The following NECAB1 variants were observed in gnomAD, a reference collection of about 807,000 sequenced individuals.
The protein encoded by NECAB1 is N-terminal EF-hand calcium binding protein 1, also known as N-terminal EF-hand calcium-binding protein 1.
In NECAB1, 29 loss-of-function variants were observed where a neutral mutation model predicts 57.5. That is an observed-to-expected ratio of 0.50 (90% CI 0.38 to 0.69). NECAB1 has a LOEUF of 0.69. NECAB1 is among the 30% of genes least tolerant of loss of function. NECAB1 has a pLI of 0.00. For missense variants in NECAB1, 372 were observed against 413.8 expected (o/e 0.90, Z 0.88); for synonymous variants, 142 against 147.7 (o/e 0.96, Z 0.28).
intron 4 of NECAB1, 60 bp downstream of exon 4, chr8:90,872,213 T>A (rs1364746059): frequency 7.7e-7 from 1 of 1,306,950 alleles, no homozygotes; most frequent in African/African-American, 1.5e-5. Flanking sequence ...AAAAGAGTAT[T>A]GTCTGATATA....
intron 8 of NECAB1, among the ~76,000 whole-genome samples, chr8:90,928,501 A>G (rs1810331026): frequency 6.6e-6 from 1 of 151,964 alleles, no homozygotes; most frequent in South Asian, 2.1e-4. Flanking sequence ...TTCTCCCCCT[A>G]CCTCCCACTC....
intron 2 of NECAB1, among the ~76,000 whole-genome samples, chr8:90,816,073 G>T (rs1812056874): frequency 6.6e-6 from 1 of 151,694 alleles, no homozygotes; most frequent in South Asian, 2.1e-4. Flanking sequence ...TTCAGGTTTT[G>T]TATCTCATTA....
chr8:90,948,835 TC>T (rs1026893236), intron 10 of NECAB1, among the ~76,000 whole-genome samples: 1 of 152,162 alleles, frequency 6.6e-6, no homozygotes, highest in Non-Finnish European at 1.5e-5. Context: ...CACTGTGCCA[TC>T]GGAAGGATCT....
At chr8:90,818,499 T>C (rs1216476530) in intron 2 of NECAB1, among the ~76,000 whole-genome samples, 2 of 152,032 alleles carry the variant, frequency 1.3e-5, no homozygotes, top group African/African-American at 2.4e-5. Flanking sequence ...TTGAAGAGAT[T>C]ATCTAGATTG....
chr8:90,896,973 G>T (rs1255602961), intron 5 of NECAB1, among the ~76,000 whole-genome samples: 1 of 152,130 alleles, frequency 6.6e-6, no homozygotes, highest in African/African-American at 2.4e-5. Context: ...CAGGGGTGAC[G>T]TGCGTCAGGG....
At chr8:90,801,008 A>AT (rs1811748614) in intron 1 of NECAB1, among the ~76,000 whole-genome samples, 1 of 152,202 alleles carries the variant, frequency 6.6e-6, no homozygotes, top group Admixed American at 6.5e-5. Context: ...AGATAATATG[A>AT]TTAATAAAGT....
At position 90,850,612 on chromosome 8, in the gene NECAB1, C is replaced by A. The variant is rs10093965; in HGVS notation, c.234-21516C>A. Among the ~76,000 whole-genome samples, 8 of 152,256 alleles carry A rather than the reference C, an allele frequency of 5.3e-5. No individual in the cohort carries two copies. The South Asian group carries it at 1.7e-3, about 32-fold the overall frequency. ...AACACCATGCAAATCAGAATGTATG[C>A]GCTATTGGACAGCTGAGAGGAAAGA... On this transcript the variant is annotated intron_variant, in intron 3 of 12. Transcript: ENST00000417640.
intron 3 of NECAB1, among the ~76,000 whole-genome samples, chr8:90,848,075 A>G (rs369749663): frequency 3.7e-4 from 56 of 152,230 alleles, no homozygotes; most frequent in African/African-American, 1.3e-3. Flanking sequence ...AAATTTTCCA[A>G]ACTTTTATGG....
chr8:90,807,615 A>G lies in NECAB1; in HGVS notation c.124+5900A>G, dbSNP rs1029827369. ...CTAATCAGGGCTCCTAGCTCCAGGT[A>G]AAATGTAAAGATTAAGGGCCGGGCC... On this transcript the variant is annotated intron_variant, in intron 2 of 12. Coordinates refer to ENST00000417640, the MANE Select transcript of NECAB1 (RefSeq NM_022351.5). Among the ~76,000 whole-genome samples the G allele has an allele frequency of 1.4e-4, 22 of 152,318 alleles. No homozygotes were observed. The East Asian group carries it at 4.1e-3, about 28-fold the overall frequency.
chr8:90,795,738 A>ACACG (rs1811650467), intron 1 of NECAB1, among the ~76,000 whole-genome samples: 1 of 149,072 alleles, frequency 6.7e-6, no homozygotes, highest in Admixed American at 6.6e-5. Context: ...ACACACACAC[A>ACACG]CACTTGCTCA....
At chr8:90,934,784 GA>G (rs1419884751) in intron 9 of NECAB1, among the ~76,000 whole-genome samples, 1 of 152,026 alleles carries the variant, frequency 6.6e-6, no homozygotes, top group Non-Finnish European at 1.5e-5. Flanking sequence ...AAAATGCTCA[GA>G]AATAATTTTT....
intron 3 of NECAB1, among the ~76,000 whole-genome samples, chr8:90,852,824 C>G (rs945573737): frequency 6.6e-6 from 1 of 152,166 alleles, no homozygotes; most frequent in Non-Finnish European, 1.5e-5. Context: ...AATAAAATCC[C>G]GTTCATTTAC....
At chr8:90,845,870 T>C (rs1056496384) in intron 3 of NECAB1, among the ~76,000 whole-genome samples, 1 of 152,236 alleles carries the variant, frequency 6.6e-6, no homozygotes, top group Non-Finnish European at 1.5e-5. Context: ...GTTTTTCTTC[T>C]TTGAATATCA....
intron 6 of NECAB1, among the ~76,000 whole-genome samples, chr8:90,923,225 C>G (rs1268919781): frequency 6.6e-6 from 1 of 152,076 alleles, no homozygotes; most frequent in Non-Finnish European, 1.5e-5. Flanking sequence ...TTGAAGAACC[C>G]CAGACATAAG....
At chr8:90,911,388 T>A (rs1809826377) in intron 5 of NECAB1, among the ~76,000 whole-genome samples, 1 of 152,192 alleles carries the variant, frequency 6.6e-6, no homozygotes, top group Non-Finnish European at 1.5e-5. Context: ...CAAGAAGTAC[T>A]GTTTATAAAT....
chr8:90,947,267 T>A (rs1461774926), intron 10 of NECAB1, among the ~76,000 whole-genome samples: 1 of 130,094 alleles, frequency 7.7e-6, no homozygotes, highest in East Asian at 2.5e-4. Flanking sequence ...CCAATAAAAG[T>A]GATACTTTCC....
At position 90,958,635 on chromosome 8, in the gene NECAB1, T is replaced by A. The variant is rs142571807; in HGVS notation, c.*3123T>A. On this transcript the variant is annotated 3_prime_UTR_variant, in exon 13 of 13. Coordinates refer to ENST00000417640, the MANE Select transcript of NECAB1 (RefSeq NM_022351.5). ...AAGCAACAAGCAATTATGTACCATA[T>A]ATACACTGTAGCAAATATTTTATAT... is the stretch of plus-strand genomic sequence containing the variant. The A allele has an allele frequency of 5.3e-3, 1,227 of 231,568 alleles. 5 individuals carry two copies. Among genetic ancestry groups the A allele is most frequent in the Middle Eastern group, 7.7e-3 (5 of 652 alleles). The allele number at this position is 231,568 out of a possible 1,614,324, so 14.3% of individuals were successfully genotyped here. A position where few individuals can be genotyped will look rare whatever the true frequency, so the allele number is the denominator to read the frequency against.
At chr8:90,792,115 C>T in intron 1 of NECAB1, 130 bp downstream of exon 1, 1 of 698,850 alleles carries the variant, frequency 1.4e-6, no homozygotes, top group Non-Finnish European at 2.4e-6. Context: ...ACTACCGATG[C>T]AAATGCAGGA....
intron 2 of NECAB1, among the ~76,000 whole-genome samples, chr8:90,811,614 C>T (rs537772366): frequency 2.0e-4 from 31 of 152,130 alleles, no homozygotes; most frequent in Non-Finnish European, 4.1e-4. Flanking sequence ...AATTGAAAAA[C>T]CCCCCAAATG....
Sources: gnomAD v4.1 joint callset for allele counts (sites outside exome capture counted in the v4.1 genomes callset) on GRCh38, gnomAD v4.1.1 for gene constraint, MANE v1.5 for transcripts, NCBI Gene and HGNC (gene_info 2026-07-23, HGNC 2026-07-21) for gene names.